The following ADAM29 variants were observed in gnomAD, a reference collection of about 807,000 sequenced individuals.
The protein encoded by ADAM29 is disintegrin and metalloproteinase domain-containing protein 29.
For missense variants in ADAM29, 969 were observed against 1,001.8 expected (o/e 0.97, Z 0.44); for synonymous variants, 367 against 342.3 (o/e 1.07, Z -0.80).
At position 174,976,610 on chromosome 4, in the gene ADAM29, C is replaced by G; in HGVS notation, c.1085C>G (p.Pro362Arg). ...PRCIMHEGNP[P>R]ITKFSNCSYG... The stretch of plus-strand genomic sequence containing the variant: ...TGCATAATGCATGAAGGCAACCCAC[C>G]AATAACTAAATTTAGCAATTGTAGT... The change falls in exon 5 of 5, where the codon CCA (proline) becomes CGA (arginine). Residue 362 changes from proline to arginine, a missense_variant. Pro to Arg is a moderately radical substitution (Grantham distance 103). Coordinates refer to ENST00000359240, the MANE Select transcript of ADAM29 (RefSeq NM_014269.4). 6.2e-7 allele frequency: 1 copy of G among 1,608,680 alleles called. No individual in the cohort carries two copies. Among genetic ancestry groups the G allele is most frequent in the Non-Finnish European group, 8.5e-7 (1 of 1,177,422 alleles).
At chr4:174,954,378 G>A (rs947498446) in intron 4 of ADAM29, among the ~76,000 whole-genome samples, 1 of 151,952 alleles carries the variant, frequency 6.6e-6, no homozygotes, top group African/African-American at 2.4e-5. Context: ...TAACACTGTG[G>A]TCTCTCTCCA....
chr4:174,956,535 G>C (rs1206902562), intron 4 of ADAM29, among the ~76,000 whole-genome samples: 2 of 151,262 alleles, frequency 1.3e-5, no homozygotes, highest in Non-Finnish European at 3.0e-5. Flanking sequence ...AAAAAAGAGA[G>C]AGAATAATGA....
At chr4:174,954,676 C>G (rs1316297316) in intron 4 of ADAM29, among the ~76,000 whole-genome samples, 2 of 152,148 alleles carry the variant, frequency 1.3e-5, no homozygotes, top group Non-Finnish European at 2.9e-5. Context: ...TTACACACAT[C>G]TCTGTTCCAG....
chr4:174,934,372 T>C (rs1367820624), intron 3 of ADAM29, among the ~76,000 whole-genome samples: 1 of 152,180 alleles, frequency 6.6e-6, no homozygotes, highest in East Asian at 1.9e-4. Flanking sequence ...CATTTGCTGA[T>C]AATTTCAGTA....
In ADAM29 at chr4:174,922,253, A is replaced by G. The variant is rs1743205788; in HGVS notation, c.-451+1461A>G. ...ATTTTTAAAAACTGTGTTGATGACA[A>G]TAGCTTATCAACTTGAATGTTACAT... is the stretch of plus-strand genomic sequence containing the variant. On this transcript the variant is annotated intron_variant, in intron 2 of 4. Coordinates refer to ENST00000359240, the MANE Select transcript of ADAM29 (RefSeq NM_014269.4). 2.6e-5 allele frequency among the ~76,000 whole-genome samples: 4 copies of G among 152,336 alleles called. No individual in the cohort carries two copies. In the South Asian group the frequency reaches 8.3e-4, roughly 32 times the overall value.
At chr4:174,929,253 G>T (rs1423427483) in intron 2 of ADAM29, among the ~76,000 whole-genome samples, 1 of 152,036 alleles carries the variant, frequency 6.6e-6, no homozygotes, top group African/African-American at 2.4e-5. Flanking sequence ...AGTTGATAAG[G>T]CACATTTTGT....
chr4:174,954,165 AC>A (rs1388378474), intron 4 of ADAM29, among the ~76,000 whole-genome samples: 3 of 152,160 alleles, frequency 2.0e-5, no homozygotes, highest in Non-Finnish European at 4.4e-5. Context: ...TATTTGAAAT[AC>A]CTCTGTATTG....
chr4:174,956,560 A>C (rs1338554319), intron 4 of ADAM29, among the ~76,000 whole-genome samples: 1 of 151,730 alleles, frequency 6.6e-6, no homozygotes, highest in African/African-American at 2.4e-5. Context: ...GAGCTATAGA[A>C]TCACTCCCTT....
intron 4 of ADAM29, among the ~76,000 whole-genome samples, chr4:174,971,139 G>C (rs1746457030): frequency 6.6e-6 from 1 of 151,880 alleles, no homozygotes; most frequent in African/African-American, 2.4e-5. Flanking sequence ...CATTATTACT[G>C]TAGTAATCAT....
At chr4:174,959,400 T>C (rs187990155) in intron 4 of ADAM29, among the ~76,000 whole-genome samples, 81 of 151,840 alleles carry the variant, frequency 5.3e-4, no homozygotes, top group African/African-American at 1.8e-3. Context: ...TTTTTTTGTT[T>C]GTTTTACTGC....
intron 3 of ADAM29, among the ~76,000 whole-genome samples, chr4:174,933,075 G>C (rs1406530819): frequency 6.6e-6 from 1 of 152,144 alleles, no homozygotes; most frequent in East Asian, 1.9e-4. Flanking sequence ...ACGGCTCTGA[G>C]GATGTTTTGT....
intron 2 of ADAM29, among the ~76,000 whole-genome samples, chr4:174,924,502 C>T (rs965031158): frequency 2.0e-5 from 3 of 152,162 alleles, no homozygotes; most frequent in African/African-American, 7.2e-5. Context: ...ACACAAAAAC[C>T]TGCATGTCAA....
rs78813480 is a variant in ADAM29 at position 174,956,905 on chromosome 4, A to C, written c.-180-18441A>C. On this transcript the variant is annotated intron_variant, in intron 4 of 4. Transcript: ENST00000359240. ...ATAAACCATATGATTCCTAAAAGTCATGTTCCATACATGTAACATGATGCT... is the reference window on the plus strand; with the variant it reads ...ATAAACCATATGATTCCTAAAAGTCCTGTTCCATACATGTAACATGATGCT... Among the ~76,000 whole-genome samples, 664 of 152,040 alleles carry C rather than the reference A, an allele frequency of 4.4e-3. 2 individuals are homozygous for C. The highest frequency in any genetic ancestry group is 0.02 in the Middle Eastern group (6 of 294).
rs142759180 is a variant in ADAM29, at chr4:174,976,477, T to A, written c.952T>A (p.Phe318Ile). The A allele has an allele frequency of 3.7e-6, 6 of 1,611,540 alleles. No homozygotes were observed. Among genetic ancestry groups the A allele is most frequent in the Non-Finnish European group, 5.1e-6 (6 of 1,178,770 alleles). ...TPHRSCAIVT[F>I]MNKTLGTFSI... ...ACACCGTAGTTGTGCAATTGTTACT[T>A]TCATGAACAAAACTTTGGGCACTTT... The change falls in exon 5 of 5, where the codon TTC (phenylalanine) becomes ATC (isoleucine). Residue 318 changes from phenylalanine (F) to isoleucine (I), a missense_variant. Physicochemically the swap from Phe to Ile is conservative, Grantham distance 21. Coordinates refer to ENST00000359240, the MANE Select transcript of ADAM29 (RefSeq NM_014269.4).
chr4:174,967,831 G>A (rs983255079), intron 4 of ADAM29, among the ~76,000 whole-genome samples: 5 of 152,032 alleles, frequency 3.3e-5, no homozygotes, highest in East Asian at 1.9e-4. Context: ...AAAAACAATC[G>A]CACAAACTGA....
Position 174,975,709 on chromosome 4 carries a change from A to C in ADAM29, c.184A>C (p.Lys62Gln). The C allele has an allele frequency of 6.2e-7, 1 of 1,611,618 alleles. No individual in the cohort carries two copies. Among genetic ancestry groups the C allele is most frequent in the Non-Finnish European group, 8.5e-7 (1 of 1,178,974 alleles). ...LSYILPFGGQ[K>Q]HIIHIKVKKL... Reference sequence around the variant, plus strand: ...CTATATCCTGCCCTTTGGAGGCCAGAAACACATTATCCACATAAAGGTCAA... The same window carrying C: ...CTATATCCTGCCCTTTGGAGGCCAGCAACACATTATCCACATAAAGGTCAA... Residue 62 changes from lysine (K) to glutamine (Q), a missense_variant, in exon 5 of 5, where the codon AAA becomes CAA. Transcript: ENST00000359240.
At chr4:174,948,918 G>C (rs1745006746) in intron 4 of ADAM29, among the ~76,000 whole-genome samples, 1 of 152,158 alleles carries the variant, frequency 6.6e-6, no homozygotes, top group African/African-American at 2.4e-5. Flanking sequence ...GTGGCTGGGT[G>C]AGCTTGTGCT....
intron 4 of ADAM29, among the ~76,000 whole-genome samples, chr4:174,965,516 T>TATCA: frequency 6.7e-6 from 1 of 150,046 alleles, no homozygotes; most frequent in East Asian, 1.9e-4. Flanking sequence ...TCTATCTATC[T>TATCA]ATCTATCATC....
chr4:174,925,777 A>G (rs1030297200), intron 2 of ADAM29, among the ~76,000 whole-genome samples: 1 of 152,240 alleles, frequency 6.6e-6, no homozygotes, highest in African/African-American at 2.4e-5. Flanking sequence ...TGAACCAGAC[A>G]GAAGATAAAA....
Sources: allele counts gnomAD v4.1 joint callset (sites outside exome capture counted in the v4.1 genomes callset), GRCh38; gene constraint gnomAD v4.1.1; transcripts MANE v1.5; gene names NCBI Gene and HGNC (gene_info 2026-07-23, HGNC 2026-07-21).